The following TPST1 variants were observed in gnomAD, a reference collection of about 807,000 sequenced individuals.
The protein encoded by TPST1 is protein-tyrosine sulfotransferase 1.
TPST1 carries 20 observed loss-of-function variants against 34.8 expected under a neutral mutation model. The ratio of observed to expected loss-of-function variants is 0.57; its 90% CI spans 0.40 to 0.84. The LOEUF (loss-of-function observed/expected upper bound fraction) is 0.84. Among genes scored for constraint, TPST1 ranks in the 40% least tolerant of loss-of-function variants. The pLI is 0.00. For synonymous variants in TPST1, 152 were observed against 159.4 expected, an observed-to-expected ratio of 0.95 and a Z score of 0.35; for missense variants, 353 against 455.5, an observed-to-expected ratio of 0.78 and a Z score of 2.05.
At chr7:66,306,074 T>C (rs1458985211) in intron 3 of TPST1, among the ~76,000 whole-genome samples, 1 of 152,094 alleles carries the variant, frequency 6.6e-6, no homozygotes, top group Non-Finnish European at 1.5e-5. Context: ...ACAAAGGCGA[T>C]GGGAGATATG....
intron 1 of TPST1, among the ~76,000 whole-genome samples, chr7:66,222,157 G>A (rs1789556023): frequency 6.6e-6 from 1 of 152,176 alleles, no homozygotes; most frequent in South Asian, 2.1e-4. Flanking sequence ...GCCGAGGCAG[G>A]TGGATCACAA....
chr7:66,240,397 C>T lies in TPST1; in HGVS notation c.-29C>T, dbSNP rs749365544. On this transcript the variant is annotated 5_prime_UTR_variant, in exon 2 of 6. Coordinates refer to ENST00000304842, the MANE Select transcript of TPST1 (RefSeq NM_003596.4). ...CCGAAAATCATTTTGAGCAAAATAT[C>T]TGTTTAATAACAAGATAACCACATC... 1.3e-6 allele frequency: 2 copies of T among 1,593,588 alleles called. No homozygotes were observed. The highest frequency in any genetic ancestry group is 1.7e-5 in the Admixed American group (1 of 57,836).
intron 1 of TPST1, among the ~76,000 whole-genome samples, chr7:66,233,948 G>A (rs773319052): frequency 6.6e-5 from 10 of 151,896 alleles, no homozygotes; most frequent in East Asian, 1.9e-4. Flanking sequence ...TGCAACCTTC[G>A]TCTTCCAGAT....
At chr7:66,235,667 G>C (rs927076029) in intron 1 of TPST1, among the ~76,000 whole-genome samples, 48 of 152,222 alleles carry the variant, frequency 3.2e-4, no homozygotes, top group Admixed American at 2.7e-3. Context: ...AGTTTATTTT[G>C]CCAAGGTTGG....
At chr7:66,292,991 G>C (rs567887291) in intron 3 of TPST1, among the ~76,000 whole-genome samples, 2 of 152,210 alleles carry the variant, frequency 1.3e-5, no homozygotes, top group South Asian at 4.1e-4. Context: ...TGGATCACAA[G>C]GTCAGGAGAT....
At chr7:66,260,899 C>G (rs1790473202) in intron 2 of TPST1, among the ~76,000 whole-genome samples, 2 of 152,190 alleles carry the variant, frequency 1.3e-5, no homozygotes, top group African/African-American at 2.4e-5. Context: ...AGAGCAAGCA[C>G]TATTCCTTGT....
At chr7:66,326,335 A>G (rs1292498257) in intron 3 of TPST1, among the ~76,000 whole-genome samples, 1 of 152,220 alleles carries the variant, frequency 6.6e-6, no homozygotes, top group East Asian at 1.9e-4. Flanking sequence ...ATGCCCTGTG[A>G]GCTCAGAGAT....
intron 3 of TPST1, among the ~76,000 whole-genome samples, chr7:66,334,633 C>A (rs1282503549): frequency 3.7e-5 from 1 of 27,162 alleles, no homozygotes; most frequent in Non-Finnish European, 7.6e-5. Flanking sequence ...GAGACTCCAT[C>A]TCAAAAAAAA....
At chr7:66,234,823 C>T (rs1295149874) in intron 1 of TPST1, among the ~76,000 whole-genome samples, 1 of 151,902 alleles carries the variant, frequency 6.6e-6, no homozygotes, top group African/African-American at 2.4e-5. Flanking sequence ...ACTACAGGTG[C>T]CCGCCAACAC....
At chr7:66,262,443 A>G (rs1172848923) in intron 2 of TPST1, among the ~76,000 whole-genome samples, 1 of 152,072 alleles carries the variant, frequency 6.6e-6, no homozygotes, top group Non-Finnish European at 1.5e-5. Flanking sequence ...TAACCCTTCT[A>G]TGTTGATGAT....
At chr7:66,337,536 T>G (rs1792145671) in intron 3 of TPST1, among the ~76,000 whole-genome samples, 1 of 152,072 alleles carries the variant, frequency 6.6e-6, no homozygotes, top group African/African-American at 2.4e-5. Flanking sequence ...CTCGAACTCC[T>G]GACCTCAGGT....
chr7:66,329,010 C>T (rs1415901276), intron 3 of TPST1, among the ~76,000 whole-genome samples: 5 of 145,820 alleles, frequency 3.4e-5, no homozygotes, highest in African/African-American at 7.7e-5. Context: ...CCCACGGGCT[C>T]AAGCAATTCT....
rs796493019 is a variant in TPST1, at chr7:66,360,129, C to T, written c.*264C>T. 9.0e-6 allele frequency: 3 copies of T among 333,956 alleles called. No homozygotes were observed. The highest frequency in any genetic ancestry group is 6.4e-5 in the African/African-American group (3 of 46,544). The allele number at this position is 333,956 out of a possible 1,614,324, so 20.7% of individuals were successfully genotyped here. ...CCTGCAGTAAGGAGCCCAGAAGGAA[C>T]ATGTGTTTCCTGTTAAAACTCCTCT... On this transcript the variant is annotated 3_prime_UTR_variant, in exon 6 of 6. Coordinates refer to ENST00000304842, the MANE Select transcript of TPST1 (RefSeq NM_003596.4).
chr7:66,236,392 T>G (rs1447701230), intron 1 of TPST1, among the ~76,000 whole-genome samples: 1 of 152,216 alleles, frequency 6.6e-6, no homozygotes, highest in Non-Finnish European at 1.5e-5. Context: ...TGTGCTTATG[T>G]TGCTCTCATA....
At chr7:66,213,615 C>T (rs1789312806) in intron 1 of TPST1, among the ~76,000 whole-genome samples, 1 of 152,032 alleles carries the variant, frequency 6.6e-6, no homozygotes, top group East Asian at 1.9e-4. Flanking sequence ...ATTAGCCAGG[C>T]TTGGTGGCGG....
chr7:66,218,456 A>G (rs748973794), intron 1 of TPST1, among the ~76,000 whole-genome samples: 6 of 152,212 alleles, frequency 3.9e-5, no homozygotes, highest in Non-Finnish European at 7.3e-5. Flanking sequence ...ACCCTGTAAA[A>G]ATTAAATAAC....
Position 66,324,842 on chromosome 7 carries a change from A to G in TPST1, c.1045-27663A>G, listed in dbSNP as rs74998524. On this transcript the variant is annotated intron_variant, in intron 3 of 5. Transcript: ENST00000304842. ...AAAAAAAAAAAAAACAAGACAAAAC[A>G]CTCATATCTGAAATGTGGTTTACAT... 6.7e-3 allele frequency among the ~76,000 whole-genome samples: 1,000 copies of G among 149,176 alleles called. 14 individuals are homozygous for G. The highest frequency in any genetic ancestry group is 0.022 in the African/African-American group (886 of 40,686).
At chr7:66,240,298 T>C (rs1790001252) in intron 1 of TPST1, 27 bp from the exon 2 acceptor site, 1 of 1,174,108 alleles carries the variant, frequency 8.5e-7, no homozygotes, top group Non-Finnish European at 1.2e-6. Context: ...AATGTAATGA[T>C]AAATAACCTT....
chr7:66,355,824 G>C (rs919885860), intron 4 of TPST1, among the ~76,000 whole-genome samples: 3 of 147,306 alleles, frequency 2.0e-5, no homozygotes, highest in African/African-American at 7.5e-5. Flanking sequence ...AGAATTGCTT[G>C]AACTCAGGAG....
Sources: allele counts gnomAD v4.1 joint callset (sites outside exome capture counted in the v4.1 genomes callset), GRCh38; gene constraint gnomAD v4.1.1; transcripts MANE v1.5; gene names NCBI Gene and HGNC (gene_info 2026-07-23, HGNC 2026-07-21).